ARHGAP35: variants seen among roughly 807,000 people sequenced by gnomAD.
The protein encoded by ARHGAP35 is rho GTPase-activating protein 35.
In ARHGAP35, 15 loss-of-function variants were observed where a neutral mutation model predicts 111.1. That is an observed-to-expected ratio of 0.13 (90% CI 0.09 to 0.21). The LOEUF is 0.21. Ranked by LOEUF, ARHGAP35 falls within the 10% of genes least tolerant of loss-of-function variation. The probability of loss-of-function intolerance (pLI) is 1.00; values close to 1 mark genes in which losing one functional copy is unlikely to be tolerated. For missense variants in ARHGAP35, 1,262 were observed against 1,873.0 expected (o/e 0.67, Z 6.02); for synonymous variants, 643 against 710.3 (o/e 0.91, Z 1.51).
At chr19:46,963,581 C>G (rs311366) in intron 3 of ARHGAP35, among the ~76,000 whole-genome samples, 56,664 of 152,108 alleles carry the variant, frequency 0.37, 10,840 homozygotes, top group Middle Eastern at 0.51. Context: ...CTGTGGACAT[C>G]CATGCCAGTT....
In ARHGAP35 at chr19:46,993,893, C is replaced by T. The variant is rs2056692623; in HGVS notation, c.4036+4218C>T. Among the ~76,000 whole-genome samples, 1 of 152,206 alleles carries T rather than the reference C, an allele frequency of 6.6e-6. No homozygotes were observed. Among genetic ancestry groups the T allele is most frequent in the Non-Finnish European group, 1.5e-5 (1 of 68,048 alleles). On this transcript the variant is annotated intron_variant, in intron 5 of 6. Transcript: ENST00000672722. The surrounding 1 kb of genome is among the most constrained non-coding windows in gnomAD (Gnocchi z 4.6). ...GCCCACGCCCCTGGACTCCTGTCTA[C>T]CCCTGACCACACACTGGAGCAGGAT...
At chr19:46,939,490 A>G (rs1442741560) in intron 3 of ARHGAP35, among the ~76,000 whole-genome samples, 1 of 151,576 alleles carries the variant, frequency 6.6e-6, no homozygotes, top group Admixed American at 6.6e-5. Flanking sequence ...ACTCACTGCA[A>G]CCTCTGCCTC....
chr19:46,908,852 A>G lies in ARHGAP35; in HGVS notation c.-188-9636A>G, dbSNP rs1450532038. 1.3e-5 allele frequency among the ~76,000 whole-genome samples: 2 copies of G among 152,184 alleles called. No individual in the cohort carries two copies. Among genetic ancestry groups the G allele is most frequent in the African/African-American group, 4.8e-5 (2 of 41,450 alleles). On this transcript the variant is annotated intron_variant, in intron 1 of 6. Coordinates refer to ENST00000672722, the MANE Select transcript of ARHGAP35 (RefSeq NM_004491.5). The surrounding 1 kb of genome is among the most constrained non-coding windows in gnomAD (Gnocchi z 4.2). ...TGGGCTGCTAGGATGGTAAGGTAGC[A>G]ACATAGTTCTGTATTCCCACCCTGG...
At chr19:46,991,609 G>C (rs929087464) in intron 5 of ARHGAP35, among the ~76,000 whole-genome samples, 1 of 152,146 alleles carries the variant, frequency 6.6e-6, no homozygotes. Flanking sequence ...GGTACTCAGC[G>C]GGGGCTCCGT....
rs1282103044 is a variant in ARHGAP35 at position 46,926,768 on chromosome 19, A to G, written c.3681+4412A>G. On this transcript the variant is annotated intron_variant, in intron 2 of 6. Transcript: ENST00000672722. The surrounding 1 kb of genome is among the most constrained non-coding windows in gnomAD (Gnocchi z 4.1). ...TATAAGGCACCAAGTAACCAGTTTGACAGTTTGTGTCCCCCCCTAGTGAAT... is the reference window on the plus strand; with the variant it reads ...TATAAGGCACCAAGTAACCAGTTTGGCAGTTTGTGTCCCCCCCTAGTGAAT... Among the ~76,000 whole-genome samples, 1 of 152,222 alleles carries G rather than the reference A, an allele frequency of 6.6e-6. No individual in the cohort carries two copies. The highest frequency in any genetic ancestry group is 1.5e-5 in the Non-Finnish European group (1 of 68,036).
At chr19:46,861,776 A>G (rs1431915905) in intron 1 of ARHGAP35, among the ~76,000 whole-genome samples, 1 of 151,894 alleles carries the variant, frequency 6.6e-6, no homozygotes, top group East Asian at 1.9e-4. Context: ...CTGTCTCAGA[A>G]TCTGTTGCAC....
At chr19:46,936,575 TG>T (rs1018961180) in intron 2 of ARHGAP35, among the ~76,000 whole-genome samples, 11 of 152,226 alleles carry the variant, frequency 7.2e-5, no homozygotes, top group African/African-American at 2.7e-4. Context: ...TAGCTATCTT[TG>T]AGTATGTAAC....
intron 3 of ARHGAP35, among the ~76,000 whole-genome samples, chr19:46,974,912 C>T (rs1051210387): frequency 6.6e-6 from 1 of 152,100 alleles, no homozygotes; most frequent in African/African-American, 2.4e-5. Context: ...CTCACTGTTG[C>T]CTGGGCTGAG....
rs907601818 is a variant in ARHGAP35 at position 46,873,677 on chromosome 19, A to G, written c.-189+12468A>G. ...CCGTCGGTCAAAGTCAGGAATGGCTATAAAATTAGTGATGTGTTCCCTTTT... is the reference window on the plus strand; with the variant it reads ...CCGTCGGTCAAAGTCAGGAATGGCTGTAAAATTAGTGATGTGTTCCCTTTT... On this transcript the variant is annotated intron_variant, in intron 1 of 6. Coordinates refer to ENST00000672722, the MANE Select transcript of ARHGAP35 (RefSeq NM_004491.5). Among the ~76,000 whole-genome samples the G allele has an allele frequency of 2.0e-5, 3 of 150,444 alleles. No individual in the cohort carries two copies. The East Asian group carries it at 5.8e-4, about 29-fold the overall frequency.
chr19:46,934,006 A>C (rs1302453612), intron 2 of ARHGAP35, among the ~76,000 whole-genome samples: 3 of 152,240 alleles, frequency 2.0e-5, no homozygotes, highest in African/African-American at 7.2e-5. Context: ...GGAGGCTTTA[A>C]GGTGATTAGG....
chr19:46,876,205 T>A (rs907255362), intron 1 of ARHGAP35, among the ~76,000 whole-genome samples: 3 of 151,756 alleles, frequency 2.0e-5, no homozygotes, highest in South Asian at 2.1e-4. Flanking sequence ...TTTTTTTTTT[T>A]AATTTAATTT....
At position 46,986,579 on chromosome 19, in the gene ARHGAP35, G is replaced by A. The variant is rs2056651315; in HGVS notation, c.3827-1410G>A. On this transcript the variant is annotated intron_variant, in intron 3 of 6. Transcript: ENST00000672722. The surrounding 1 kb of genome is among the most constrained non-coding windows in gnomAD (Gnocchi z 4.3). ...CTGGTCTTGAAAGCCTAAAATTTTT[G>A]AATTATATACTTCAACAAATTCAGT... Among the ~76,000 whole-genome samples, 1 of 152,162 alleles carries A rather than the reference G, an allele frequency of 6.6e-6. No individual in the cohort carries two copies. The highest frequency in any genetic ancestry group is 1.9e-4 in the East Asian group (1 of 5,180).
At chr19:46,863,644 C>A (rs1423928043) in intron 1 of ARHGAP35, among the ~76,000 whole-genome samples, 1 of 151,944 alleles carries the variant, frequency 6.6e-6, no homozygotes, top group Non-Finnish European at 1.5e-5. Flanking sequence ...GAGTGTCCTT[C>A]CCTTCCCCCC....
intron 1 of ARHGAP35, among the ~76,000 whole-genome samples, chr19:46,874,357 T>G (rs1025131708): frequency 2.0e-5 from 3 of 152,146 alleles, no homozygotes; most frequent in Non-Finnish European, 2.9e-5. Flanking sequence ...GTGGCCTGAT[T>G]GTTTTTACTT....
intron 2 of ARHGAP35, among the ~76,000 whole-genome samples, chr19:46,936,263 A>G (rs528741610): frequency 3.6e-4 from 55 of 152,084 alleles, no homozygotes; most frequent in Non-Finnish European, 6.3e-4. Flanking sequence ...AATAATAATA[A>G]TATTTGGAAC....
chr19:46,987,842 T>C, intron 3 of ARHGAP35, 147 bp from the exon 4 acceptor site: 1 of 643,036 alleles, frequency 1.6e-6, no homozygotes, highest in Admixed American at 3.0e-5. Flanking sequence ...TCTAGAAAAA[T>C]CAAACGAGAG....
intron 2 of ARHGAP35, among the ~76,000 whole-genome samples, chr19:46,935,203 G>A (rs2056300339): frequency 6.6e-6 from 1 of 152,146 alleles, no homozygotes; most frequent in Middle Eastern, 3.2e-3. Context: ...TGAGGAGCAG[G>A]TATCTCACAG....
intron 2 of ARHGAP35, among the ~76,000 whole-genome samples, chr19:46,934,854 G>A (rs1191633399): frequency 2.0e-5 from 3 of 151,574 alleles, no homozygotes; most frequent in Non-Finnish European, 4.4e-5. Flanking sequence ...TGTATTTTTT[G>A]TAGAGATGGG....
chr19:46,923,098 G>A (rs1369246931), intron 2 of ARHGAP35, among the ~76,000 whole-genome samples: 1 of 145,016 alleles, frequency 6.9e-6, no homozygotes, highest in Non-Finnish European at 1.5e-5. Context: ...AGCAAATGAA[G>A]TCTCTTTTTT....
Sources: allele counts gnomAD v4.1 joint callset (sites outside exome capture counted in the v4.1 genomes callset), GRCh38; gene constraint gnomAD v4.1.1; non-coding constraint Gnocchi (gnomAD v3.1); transcripts MANE v1.5; gene names NCBI Gene and HGNC (gene_info 2026-07-23, HGNC 2026-07-21).